Variants in A3GALT2 observed in about 807,000 individuals in gnomAD.
A3GALT2 encodes the protein alpha-1,3-galactosyltransferase 2.
A neutral mutation model predicts 16.6 loss-of-function variants in A3GALT2; 14 were observed. The ratio of observed to expected loss-of-function variants is 0.84; its 90% confidence interval spans 0.56 to 1.32. A3GALT2 has a LOEUF of 1.32. Ranked by LOEUF, A3GALT2 falls within the 40% of genes most tolerant of loss-of-function variation. A3GALT2 has a pLI of 0.00. For synonymous variants in A3GALT2, 253 were observed against 218.0 expected, an observed-to-expected ratio of 1.16 and a Z score of -1.42; for missense variants, 600 against 490.9, an observed-to-expected ratio of 1.22 and a Z score of -2.10.
At chr1:33,317,261 T>A (rs1032201519) in intron 1 of A3GALT2, among the ~76,000 whole-genome samples, 1 of 152,108 alleles carries the variant, frequency 6.6e-6, no homozygotes, top group African/African-American at 2.4e-5. Context: ...AAAAGCAGGA[T>A]CTAAAATTGA....
At chr1:33,319,648 A>C (rs1021153757) in intron 1 of A3GALT2, among the ~76,000 whole-genome samples, 7 of 152,114 alleles carry the variant, frequency 4.6e-5, no homozygotes, top group Non-Finnish European at 8.8e-5. Context: ...CAGCAGCAGG[A>C]GAGGAGGCAG....
rs968807138 is a variant in A3GALT2, at chr1:33,320,318, T to A, written c.23+758A>T. On this transcript the variant is annotated intron_variant, in intron 1 of 4. Transcript: ENST00000442999. The surrounding 1 kb of genome is among the most constrained non-coding windows in gnomAD (Gnocchi z 4.3). ...GCTGGAGGGGCTTTCTCCCCCTCTG[T>A]GGCTGTCCCACCCTCTTCACCAGCC... is the stretch of plus-strand genomic sequence containing the variant. Among the ~76,000 whole-genome samples, 6 of 152,068 alleles carry A rather than the reference T, an allele frequency of 3.9e-5. No homozygotes were observed. Among genetic ancestry groups the A allele is most frequent in the African/African-American group, 1.4e-4 (6 of 41,456 alleles).
intron 1 of A3GALT2, among the ~76,000 whole-genome samples, chr1:33,315,819 T>G (rs1422934445): frequency 2.0e-5 from 3 of 152,208 alleles, no homozygotes; most frequent in Non-Finnish European, 1.5e-5. Context: ...AACGTATATT[T>G]ATTGGACACA....
intron 3 of A3GALT2, 28 bp downstream of exon 3, chr1:33,312,473 T>TG: frequency 1.3e-6 from 2 of 1,544,096 alleles, no homozygotes; most frequent in Middle Eastern, 1.8e-4. Context: ...GGGGTGCCCT[T>TG]GGAGTAGGAG....
chr1:33,319,633 C>T (rs1315057837), intron 1 of A3GALT2, among the ~76,000 whole-genome samples: 1 of 147,112 alleles, frequency 6.8e-6, no homozygotes, highest in Admixed American at 6.6e-5. Context: ...ACGTGGCCTG[C>T]ACTCCAGCAG....
Position 33,320,922 on chromosome 1 carries a change from C to T in A3GALT2, c.23+154G>A, listed in dbSNP as rs777273639. Among the ~76,000 whole-genome samples, 16 of 151,990 alleles carry T rather than the reference C, an allele frequency of 1.1e-4. No individual in the cohort carries two copies. Among genetic ancestry groups the T allele is most frequent in the Admixed American group, 6.6e-5 (1 of 15,112 alleles). On this transcript the variant is annotated intron_variant, in intron 1 of 4. Coordinates refer to ENST00000442999, the MANE Select transcript of A3GALT2 (RefSeq NM_001080438.1). This position sits in a 1 kb window ranked among gnomAD's most constrained non-coding sequence, Gnocchi z 4.3. ...CTTCTCCTGGGGCAATGTCCCCTCTCGGAGCCACCTTTCCCCAGGACTGGA... is the reference window on the plus strand; with the variant it reads ...CTTCTCCTGGGGCAATGTCCCCTCTTGGAGCCACCTTTCCCCAGGACTGGA...
intron 4 of A3GALT2, among the ~76,000 whole-genome samples, chr1:33,311,789 C>G (rs934330618): frequency 1.3e-5 from 2 of 152,244 alleles, no homozygotes; most frequent in African/African-American, 2.4e-5. Flanking sequence ...GTCCCAGCCC[C>G]TAGGCAGGTC....
At chr1:33,316,518 T>C (rs1646262981) in intron 1 of A3GALT2, among the ~76,000 whole-genome samples, 4 of 152,090 alleles carry the variant, frequency 2.6e-5, no homozygotes, top group Admixed American at 2.0e-4. Flanking sequence ...ATCTGGAGCC[T>C]GGCCATGGTG....
chr1:33,313,293 C>T (rs1221737090), intron 1 of A3GALT2: 2 of 156,896 alleles, frequency 1.3e-5, no homozygotes, highest in Admixed American at 6.4e-5. Flanking sequence ...GCTATCCTCC[C>T]ACCTCAGCCT....
Position 33,320,931 on chromosome 1 carries a change from C to T in A3GALT2, c.23+145G>A. The T allele has an allele frequency of 9.6e-7, 1 of 1,042,514 alleles. No individual in the cohort carries two copies. Among genetic ancestry groups the T allele is most frequent in the East Asian group, 2.4e-5 (1 of 41,018 alleles). 64.6% of individuals were successfully genotyped at this position (1,042,514 alleles called of 1,614,324 possible). On this transcript the variant is annotated intron_variant, in intron 1 of 4. Coordinates refer to ENST00000442999, the MANE Select transcript of A3GALT2 (RefSeq NM_001080438.1). This position sits in a 1 kb window ranked among gnomAD's most constrained non-coding sequence, Gnocchi z 4.3. ...GGGCAATGTCCCCTCTCGGAGCCAC[C>T]TTTCCCCAGGACTGGAGGCTCAGCT...
rs10662364 is a variant in A3GALT2, at chr1:33,313,175, GTTTTT to G, written c.24-290_24-286del. 114 of 90,638 alleles carry G rather than the reference GTTTTT, an allele frequency of 1.3e-3. 13 individuals carry two copies. The highest frequency in any genetic ancestry group is 2.3e-3 in the African/African-American group (50 of 22,026). 5.6% of individuals were successfully genotyped at this position (90,638 alleles called of 1,614,324 possible). On this transcript the variant is annotated intron_variant, in intron 1 of 4. Transcript: ENST00000442999. ...CAAGTGTTTGTGGCTCAGTGACGGA[GTTTTT>G]TTTTTTTTTTTTTTTTTTTTTGAGA...
intron 4 of A3GALT2, among the ~76,000 whole-genome samples, chr1:33,311,494 A>G (rs72889861): frequency 0.012 from 1,880 of 152,086 alleles, 32 homozygotes; most frequent in African/African-American, 0.042. Flanking sequence ...TGACCTTGCC[A>G]CTTCAGTATT....
At position 33,312,507 on chromosome 1, in the gene A3GALT2, C is replaced by A. The variant is rs374031698; in HGVS notation, c.191G>T (p.Arg64Leu). 2.1e-5 allele frequency: 34 copies of A among 1,592,362 alleles called. No homozygotes were observed. Among genetic ancestry groups the A allele is most frequent in the Admixed American group, 3.5e-5 (2 of 57,300 alleles). The change falls in exon 3 of 5, where the codon CGT (arginine) becomes CTT (leucine). Residue 64 changes from arginine (R) to leucine (L), a missense_variant. Arg to Leu is a moderately radical substitution (Grantham distance 102). Coordinates refer to ENST00000442999, the MANE Select transcript of A3GALT2 (RefSeq NM_001080438.1). ...AGGGATGGGAGCTTCTTACCAGGGA[C>A]GCAGGGCACCTGTGAAGTTGTCTCT... Reference protein sequence around the residue: ...QLRDNFTGALRPWARPEVLTC... With the variant: ...QLRDNFTGALLPWARPEVLTC...
Position 33,307,363 on chromosome 1 carries a change from C to A in A3GALT2, c.426G>T (p.Glu142Asp), listed in dbSNP as rs1332681553. 2 of 1,552,814 alleles carry A rather than the reference C, an allele frequency of 1.3e-6. No individual in the cohort carries two copies. The highest frequency in any genetic ancestry group is 2.3e-5 in the South Asian group (2 of 86,966). ...CCACGCGGGGCACCGCTCCCGGAAGCTCGGTGAACACGTAGTACATCACGC... is the reference window on the plus strand; with the variant it reads ...CCACGCGGGGCACCGCTCCCGGAAGATCGGTGAACACGTAGTACATCACGC... ...GQSVMYYVFTELPGAVPRVAL... is the reference protein window; with the variant it reads ...GQSVMYYVFTDLPGAVPRVAL... The change falls in exon 5 of 5, where the codon GAG becomes GAT. Residue 142 changes from glutamate to aspartate, a missense_variant. Physicochemically the swap from Glu to Asp is conservative, Grantham distance 45 (BLOSUM62 2). Coordinates refer to ENST00000442999, the MANE Select transcript of A3GALT2 (RefSeq NM_001080438.1).
chr1:33,311,307 C>T (rs964641160), intron 4 of A3GALT2, among the ~76,000 whole-genome samples: 2 of 152,114 alleles, frequency 1.3e-5, no homozygotes, highest in South Asian at 2.1e-4. Flanking sequence ...GTGATTTTCC[C>T]GTGCCCTCCA....
chr1:33,307,528 A>ACT, intron 4 of A3GALT2, 75 bp from the exon 5 acceptor site: 2 of 1,109,424 alleles, frequency 1.8e-6, no homozygotes, highest in Non-Finnish European at 2.2e-6. Context: ...TCTCACCTCT[A>ACT]CTCCCACCCC....
At chr1:33,309,281 G>A (rs1646220158) in intron 4 of A3GALT2, among the ~76,000 whole-genome samples, 1 of 152,242 alleles carries the variant, frequency 6.6e-6, no homozygotes. Context: ...GAGCTGTTGG[G>A]TACACCTCCC....
intron 4 of A3GALT2, among the ~76,000 whole-genome samples, chr1:33,310,492 T>C (rs1190683257): frequency 6.6e-6 from 1 of 152,234 alleles, no homozygotes; most frequent in Non-Finnish European, 1.5e-5. Flanking sequence ...ATCCTAGGAC[T>C]TTAAAATAGT....
In A3GALT2 at chr1:33,318,368, G is replaced by A. The variant is rs115635161; in HGVS notation, c.23+2708C>T. 9.0e-3 allele frequency among the ~76,000 whole-genome samples: 1,365 copies of A among 151,610 alleles called. 9 individuals are homozygous for A. The highest frequency in any genetic ancestry group is 0.016 in the Non-Finnish European group (1,064 of 67,902). ...GGGGTTCTCCCACTCACTCTCCTCCGTCCCCCTACTCACTCCTCCCCCATC... is the reference window on the plus strand; with the variant it reads ...GGGGTTCTCCCACTCACTCTCCTCCATCCCCCTACTCACTCCTCCCCCATC... On this transcript the variant is annotated intron_variant, in intron 1 of 4. Coordinates refer to ENST00000442999, the MANE Select transcript of A3GALT2 (RefSeq NM_001080438.1).
Sources: allele counts gnomAD v4.1 joint callset (sites outside exome capture counted in the v4.1 genomes callset), GRCh38; gene constraint gnomAD v4.1.1; non-coding constraint Gnocchi (gnomAD v3.1); transcripts MANE v1.5; gene names NCBI Gene and HGNC (gene_info 2026-07-23, HGNC 2026-07-21).